Variants in SLC9A9 observed in about 807,000 individuals in gnomAD.
SLC9A9 encodes the protein sodium/hydrogen exchanger 9.
Under a neutral mutation model 77.8 loss-of-function variants are expected in SLC9A9, and 62 were observed. The observed-to-expected ratio is 0.80, with a 90% CI of 0.65 to 0.98. SLC9A9 has a LOEUF of 0.98. Among genes scored for constraint, SLC9A9 ranks in the 50% least tolerant of loss-of-function variants. The pLI is 0.00. For missense variants in SLC9A9, 775 were observed against 774.9 expected, an observed-to-expected ratio of 1.00 and a Z score of 0.00; for synonymous variants, 320 against 283.5, an observed-to-expected ratio of 1.13 and a Z score of -1.29.
chr3:143,559,126 T>C (rs778444701), intron 8 of SLC9A9, among the ~76,000 whole-genome samples: 20 of 152,248 alleles, frequency 1.3e-4, no homozygotes, highest in Non-Finnish European at 2.5e-4. Context: ...GTAAGTTTCC[T>C]GAGGCCTCCC....
At chr3:143,771,242 C>T (rs2007506352) in intron 4 of SLC9A9, among the ~76,000 whole-genome samples, 1 of 152,110 alleles carries the variant, frequency 6.6e-6, no homozygotes, top group African/African-American at 2.4e-5. Context: ...GCTGATGGGA[C>T]CATCTGCAGG....
At chr3:143,441,590 T>G (rs1255345628) in intron 12 of SLC9A9, among the ~76,000 whole-genome samples, 1 of 151,448 alleles carries the variant, frequency 6.6e-6, no homozygotes, top group Non-Finnish European at 1.5e-5. Flanking sequence ...GATTGCTAAT[T>G]TCACATCAGC....
At chr3:143,582,049 G>C (rs183631858) in intron 6 of SLC9A9, among the ~76,000 whole-genome samples, 1 of 152,212 alleles carries the variant, frequency 6.6e-6, no homozygotes, top group East Asian at 1.9e-4. Flanking sequence ...AGAAAGAAAA[G>C]CATGAAGGAA....
chr3:143,775,468 T>G (rs559306066), intron 4 of SLC9A9, among the ~76,000 whole-genome samples: 1 of 152,346 alleles, frequency 6.6e-6, no homozygotes, highest in South Asian at 2.1e-4. Flanking sequence ...GAAGTTTGAT[T>G]ATACATAAAG....
intron 4 of SLC9A9, among the ~76,000 whole-genome samples, chr3:143,725,924 T>C (rs1158303372): frequency 1.3e-5 from 2 of 151,108 alleles, no homozygotes; most frequent in African/African-American, 4.9e-5. Flanking sequence ...CTTTGTGGAG[T>C]AGAAAAAGAC....
intron 4 of SLC9A9, among the ~76,000 whole-genome samples, chr3:143,743,945 C>T (rs115921967): frequency 0.012 from 1,816 of 152,268 alleles, 31 homozygotes; most frequent in African/African-American, 0.038. Context: ...AGCTTAATAA[C>T]TCCTGACACT....
intron 9 of SLC9A9, among the ~76,000 whole-genome samples, chr3:143,534,216 G>A (rs1419082534): frequency 6.6e-6 from 1 of 152,098 alleles, no homozygotes; most frequent in South Asian, 2.1e-4. Context: ...ATATAAAAAA[G>A]GATGCTTTGG....
intron 4 of SLC9A9, among the ~76,000 whole-genome samples, chr3:143,745,986 G>A (rs887216557): frequency 6.6e-6 from 1 of 152,234 alleles, no homozygotes; most frequent in African/African-American, 2.4e-5. Flanking sequence ...TAAAGGCCCT[G>A]AGGCAGGAAT....
Position 143,495,991 on chromosome 3 carries a change from G to A in SLC9A9, c.1090-543C>T, listed in dbSNP as rs538931843. On this transcript the variant is annotated intron_variant, in intron 9 of 15. Coordinates refer to ENST00000316549, the MANE Select transcript of SLC9A9 (RefSeq NM_173653.4). ...ATTACATTTTAACATTAGAGTGATC[G>A]GTATATTTCAAATCCCAGACGATGA... 6.6e-4 allele frequency among the ~76,000 whole-genome samples: 100 copies of A among 152,156 alleles called. 1 individual carries two copies. Among genetic ancestry groups the A allele is most frequent in the Non-Finnish European group, 1.2e-3 (80 of 68,000 alleles).
chr3:143,296,752 T>C (rs1446250915), intron 14 of SLC9A9, among the ~76,000 whole-genome samples: 1 of 152,222 alleles, frequency 6.6e-6, no homozygotes, highest in African/African-American at 2.4e-5. Flanking sequence ...GATATCTTAT[T>C]GTGGTTTTGA....
intron 14 of SLC9A9, among the ~76,000 whole-genome samples, chr3:143,328,859 T>A (rs1394608192): frequency 1.3e-5 from 2 of 152,234 alleles, no homozygotes; most frequent in African/African-American, 4.8e-5. Flanking sequence ...CTAATAACAC[T>A]GTCCTTGCCT....
In SLC9A9 at chr3:143,576,644, G is replaced by A. The variant is rs966842200; in HGVS notation, c.894+1941C>T. 4.8e-4 allele frequency among the ~76,000 whole-genome samples: 73 copies of A among 152,146 alleles called. 1 individual carries two copies. The highest frequency in any genetic ancestry group is 4.6e-3 in the Admixed American group (71 of 15,278). The stretch of plus-strand genomic sequence containing the variant: ...AGGGAGCAGTGAAGAGAGCATGTTC[G>A]GCCTCTTGATTCTCACTCTCCGGGT... On this transcript the variant is annotated intron_variant, in intron 7 of 15. Coordinates refer to ENST00000316549, the MANE Select transcript of SLC9A9 (RefSeq NM_173653.4).
intron 1 of SLC9A9, among the ~76,000 whole-genome samples, chr3:143,840,220 G>A (rs368624995): frequency 1.1e-3 from 71 of 65,332 alleles, no homozygotes; most frequent in African/African-American, 3.0e-3. Context: ...ACACTGAGAA[G>A]CATTGTCATA....
chr3:143,691,097 C>T (rs190122690), intron 5 of SLC9A9, among the ~76,000 whole-genome samples: 195 of 152,168 alleles, frequency 1.3e-3, no homozygotes, highest in African/African-American at 4.3e-3. Flanking sequence ...GTGGTTGAGC[C>T]TGAGATTTTA....
At position 143,370,571 on chromosome 3, in the gene SLC9A9, A is replaced by G. The variant is rs552359646; in HGVS notation, c.1525-7008T>C. Among the ~76,000 whole-genome samples the G allele has an allele frequency of 2.0e-3, 236 of 116,524 alleles. 1 individual carries two copies. Among genetic ancestry groups the G allele is most frequent in the African/African-American group, 9.7e-3 (208 of 21,362 alleles). 76.4% of individuals were successfully genotyped at this position (116,524 alleles called of 152,430 possible). A position where few individuals can be genotyped will look rare whatever the true frequency, so the allele number is the denominator to read the frequency against. On this transcript the variant is annotated intron_variant, in intron 13 of 15. Transcript: ENST00000316549. ...CACAAGTATATGCATGTGCGCGCAC[A>G]CACACACACACACACACACACACAC...
In SLC9A9 at chr3:143,707,932, T is replaced by C. The variant is rs115570955; in HGVS notation, c.534-14625A>G. On this transcript the variant is annotated intron_variant, in intron 4 of 15. Coordinates refer to ENST00000316549, the MANE Select transcript of SLC9A9 (RefSeq NM_173653.4). ...CTGCTGCCCATCTGCCTCAAACTTG[T>C]CACCTTCCTGGGCCTTCCTAGAAGC... Among the ~76,000 whole-genome samples, 906 of 152,282 alleles carry C rather than the reference T, an allele frequency of 5.9e-3. 8 individuals carry two copies. Among genetic ancestry groups the C allele is most frequent in the African/African-American group, 0.021 (855 of 41,564 alleles).
intron 11 of SLC9A9, among the ~76,000 whole-genome samples, chr3:143,475,918 T>C (rs896416933): frequency 1.3e-5 from 2 of 151,932 alleles, no homozygotes; most frequent in Non-Finnish European, 2.9e-5. Flanking sequence ...ATTATTTTGC[T>C]GCCTGTCTTT....
At chr3:143,520,707 A>G (rs1039068932) in intron 9 of SLC9A9, among the ~76,000 whole-genome samples, 12 of 152,212 alleles carry the variant, frequency 7.9e-5, no homozygotes, top group Non-Finnish European at 7.3e-5. Flanking sequence ...GCACAAAACT[A>G]GTATATGGAT....
At chr3:143,475,125 A>AT (rs35148633) in intron 11 of SLC9A9, among the ~76,000 whole-genome samples, 7,782 of 134,630 alleles carry the variant, frequency 0.058, 273 homozygotes, top group Middle Eastern at 0.084. Context: ...CACCTGGCTC[A>AT]TTTTTTTTTT....
Sources: gnomAD v4.1 joint callset for allele counts (sites outside exome capture counted in the v4.1 genomes callset) on GRCh38, gnomAD v4.1.1 for gene constraint, MANE v1.5 for transcripts, NCBI Gene and HGNC (gene_info 2026-07-23, HGNC 2026-07-21) for gene names.